Variants in OGDH observed in about 807,000 individuals in gnomAD.
OGDH encodes 2-oxoglutarate dehydrogenase complex component E1.
Under a neutral mutation model 116.6 loss-of-function variants are expected in OGDH, and 38 were observed. The ratio of observed to expected loss-of-function variants is 0.33; its 90% CI spans 0.25 to 0.43. The LOEUF is 0.43. OGDH is among the 20% of genes least tolerant of loss of function. The pLI, the probability that OGDH is intolerant of heterozygous loss-of-function variation, is 1.00. For missense variants in OGDH, 825 were observed against 1,357.2 expected (o/e 0.61, Z 6.16); for synonymous variants, 488 against 533.3 (o/e 0.92, Z 1.17).
chr7:44,706,993 C>G (rs1428278340), intron 20 of OGDH, among the ~76,000 whole-genome samples: 1 of 152,200 alleles, frequency 6.6e-6, no homozygotes, highest in Non-Finnish European at 1.5e-5. Flanking sequence ...CCTGGTGTTA[C>G]TTGATACCCA....
At chr7:44,662,916 A>G (rs185218367) in intron 4 of OGDH, among the ~76,000 whole-genome samples, 1 of 152,296 alleles carries the variant, frequency 6.6e-6, no homozygotes, top group Non-Finnish European at 1.5e-5. Context: ...GTGTTTTGGC[A>G]TGGATTTCTT....
intron 20 of OGDH, among the ~76,000 whole-genome samples, chr7:44,704,384 T>C (rs1332359597): frequency 6.6e-6 from 1 of 152,134 alleles, no homozygotes; most frequent in South Asian, 2.1e-4. Flanking sequence ...TCCTTTTTTT[T>C]TTTAATTTAA....
chr7:44,701,581 C>T lies in OGDH; in HGVS notation c.2598C>T (p.Pro866=), dbSNP rs371671800. The T allele has an allele frequency of 7.4e-6, 12 of 1,614,038 alleles. No individual in the cohort carries two copies. Among genetic ancestry groups the T allele is most frequent in the South Asian group, 2.2e-5 (2 of 91,084 alleles). The change falls in exon 20 of 23, where the codon CCC becomes CCT. Residue 866 remains proline (P), a synonymous_variant. Transcript: ENST00000222673. The part of the protein sequence containing the change: ...IFTPKSLLRH[P]EARSSFDEML... Reference sequence around the variant, plus strand: ...CCCCCAAATCCCTGTTGCGCCACCCCGAGGCCAGATCCAGCTTTGATGAGA... The same window carrying T: ...CCCCCAAATCCCTGTTGCGCCACCCTGAGGCCAGATCCAGCTTTGATGAGA...
intron 1 of OGDH, among the ~76,000 whole-genome samples, chr7:44,614,142 T>C (rs535520536): frequency 7.9e-5 from 12 of 151,588 alleles, no homozygotes; most frequent in Admixed American, 2.6e-4. Context: ...TTTGTAGATA[T>C]AGGGTCTTGC....
intron 2 of OGDH, among the ~76,000 whole-genome samples, chr7:44,632,096 A>G (rs977051080): frequency 1.3e-5 from 2 of 152,112 alleles, no homozygotes; most frequent in African/African-American, 4.8e-5. Context: ...GATCAAACCA[A>G]GAGGTGTTTG....
chr7:44,629,144 C>G, intron 2 of OGDH, among the ~76,000 whole-genome samples: 1 of 152,222 alleles, frequency 6.6e-6, no homozygotes, highest in Non-Finnish European at 1.5e-5. Flanking sequence ...CTAAGTTATC[C>G]TTGTTAATGT....
At position 44,661,878 on chromosome 7, in the gene OGDH, C is replaced by T. The variant is rs138385150; in HGVS notation, c.518-4858C>T. Among the ~76,000 whole-genome samples the T allele has an allele frequency of 7.9e-5, 12 of 152,262 alleles. No individual in the cohort carries two copies. The East Asian group carries it at 2.3e-3, about 29-fold the overall frequency. On this transcript the variant is annotated intron_variant, in intron 4 of 22. Coordinates refer to ENST00000222673, the MANE Select transcript of OGDH (RefSeq NM_002541.4). ...GCTCCCAAAGTGCTGGGATTACAGG[C>T]GTGAGCCACCACGCCTGGCGTGTTT...
chr7:44,656,170 A>ATG (rs759642375), intron 4 of OGDH: 7 of 678,828 alleles, frequency 1.0e-5, no homozygotes, highest in Admixed American at 5.3e-5. Context: ...TTCTCCCTTG[A>ATG]TGTGTGTGTG....
chr7:44,666,727 G>A lies in OGDH; in HGVS notation c.518-9G>A, dbSNP rs760356991. The A allele has an allele frequency of 3.8e-6, 6 of 1,579,100 alleles. No homozygotes were observed. Among genetic ancestry groups the A allele is most frequent in the Middle Eastern group, 1.7e-4 (1 of 6,012 alleles). On this transcript the variant is annotated splice_polypyrimidine_tract_variant and intron_variant, in intron 4 of 22. Transcript: ENST00000222673. ...TCATCTGGCTTGTCCTGCCCACATC[G>A]CCCTGCAGGGTTCTATGGCCTGGAT... is the stretch of plus-strand genomic sequence containing the variant.
At chr7:44,651,077 T>G (rs1255919483) in intron 4 of OGDH, among the ~76,000 whole-genome samples, 3 of 152,132 alleles carry the variant, frequency 2.0e-5, no homozygotes, top group Non-Finnish European at 2.9e-5. Flanking sequence ...TAGGGGGCAG[T>G]GATGGAGGGC....
In OGDH at chr7:44,676,126, T is replaced by C. The variant is rs536447971; in HGVS notation, c.1183T>C (p.Cys395Arg). ...CAAGACCAAAGCCGAACAGTTTTAC[T>C]GTGGCGACACTGAAGGGAAAAAGGT... The part of the protein sequence containing the change: ...MGKTKAEQFY[C>R]GDTEGKKVMS... Residue 395 changes from cysteine (C) to arginine (R), a missense_variant, in exon 9 of 23, where the codon TGT becomes CGT. Transcript: ENST00000222673. 1.1e-5 allele frequency: 18 copies of C among 1,614,104 alleles called. 1 individual carries two copies. The South Asian group carries it at 1.8e-4, about 16-fold the overall frequency.
chr7:44,695,900 C>T (rs754740279), intron 12 of OGDH, 125 bp from the exon 13 acceptor site: 253 of 637,494 alleles, frequency 4.0e-4, no homozygotes, highest in South Asian at 7.1e-4. Flanking sequence ...TGGGCATGCA[C>T]GGGAGTTGTG....
At chr7:44,691,981 TAAAAAA>T (rs371665967) in intron 10 of OGDH, among the ~76,000 whole-genome samples, 19 of 102,604 alleles carry the variant, frequency 1.9e-4, no homozygotes, top group Admixed American at 6.7e-4. Context: ...GACTCTGTCT[TAAAAAA>T]AAAAAAAAAA....
chr7:44,669,156 T>TC (rs1432648285), intron 5 of OGDH, among the ~76,000 whole-genome samples: 1 of 140,838 alleles, frequency 7.1e-6, no homozygotes, highest in East Asian at 2.1e-4. Flanking sequence ...TTTTTTTTTT[T>TC]TTTTTTTTTT....
intron 1 of OGDH, among the ~76,000 whole-genome samples, chr7:44,617,862 C>G (rs1299138348): frequency 1.3e-5 from 2 of 152,124 alleles, no homozygotes; most frequent in Non-Finnish European, 2.9e-5. Context: ...TTTGCTAGGT[C>G]TTGCCTTTTT....
chr7:44,663,358 C>T (rs1787031171), intron 4 of OGDH, among the ~76,000 whole-genome samples: 1 of 152,172 alleles, frequency 6.6e-6, no homozygotes, highest in Non-Finnish European at 1.5e-5. Context: ...ATTGTTTGGG[C>T]CAGGTGCAGT....
intron 4 of OGDH, among the ~76,000 whole-genome samples, chr7:44,649,095 G>T (rs778870822): frequency 3.9e-5 from 6 of 152,046 alleles, no homozygotes; most frequent in Non-Finnish European, 8.8e-5. Context: ...CTCTTCAGGT[G>T]CTCAGAGCAG....
intron 19 of OGDH, among the ~76,000 whole-genome samples, chr7:44,701,336 C>T (rs1434104804): frequency 6.6e-6 from 1 of 152,124 alleles, no homozygotes; most frequent in Non-Finnish European, 1.5e-5. Flanking sequence ...GGAGTGGATA[C>T]CCAGCTAGGG....
At chr7:44,637,130 C>T (rs1222906437) in intron 2 of OGDH, among the ~76,000 whole-genome samples, 1 of 152,326 alleles carries the variant, frequency 6.6e-6, no homozygotes. Flanking sequence ...TCTTAACCAT[C>T]TGTACACCCT....
Sources: allele counts gnomAD v4.1 joint callset (sites outside exome capture counted in the v4.1 genomes callset), GRCh38; gene constraint gnomAD v4.1.1; transcripts MANE v1.5; gene names NCBI Gene and HGNC (gene_info 2026-07-23, HGNC 2026-07-21).